The following PPP1R16A variants were observed in gnomAD, a reference collection of about 807,000 sequenced individuals.
The protein encoded by PPP1R16A is myosin phosphatase-targeting subunit 3.
Under a neutral mutation model 46.6 loss-of-function variants are expected in PPP1R16A, and 39 were observed. The observed-to-expected ratio is 0.84, with a 90% CI of 0.65 to 1.09. The LOEUF (loss-of-function observed/expected upper bound fraction) is 1.09. PPP1R16A is among the 50% of genes least tolerant of loss of function. PPP1R16A has a pLI of 0.00. For missense variants in PPP1R16A, 798 were observed against 735.6 expected, an observed-to-expected ratio of 1.08 and a Z score of -0.98; for synonymous variants, 413 against 321.5, an observed-to-expected ratio of 1.28 and a Z score of -3.04.
intron 5 of PPP1R16A, chr8:144,499,369 A>G: frequency 2.5e-6 from 1 of 396,562 alleles, no homozygotes; most frequent in Non-Finnish European, 4.5e-6. Context: ...ACTGCTAAGG[A>G]GGGAAGCAGA....
Position 144,502,003 on chromosome 8 carries a change from G to A in PPP1R16A, c.*100G>A, listed in dbSNP as rs1342636242. On this transcript the variant is annotated 3_prime_UTR_variant, in exon 12 of 12. Transcript: ENST00000435887. ...GCTGCGGGTGCAGCACGGAAACCCC[G>A]GCTTCTACTGTACAGGACACTGGCC... 8.9e-6 allele frequency: 11 copies of A among 1,238,012 alleles called. No individual in the cohort carries two copies. Among genetic ancestry groups the A allele is most frequent in the South Asian group, 6.3e-5 (4 of 63,660 alleles). 76.7% of individuals were successfully genotyped at this position (1,238,012 alleles called of 1,614,324 possible).
chr8:144,500,383 G>T lies in PPP1R16A; in HGVS notation c.697G>T (p.Ala233Ser). The change falls in exon 7 of 12, where the codon GCC becomes TCC. Residue 233 changes from alanine to serine, a missense_variant. Transcript: ENST00000435887. ...CCTCCATGCCCCCCTGGACCACGGG[G>T]CCACGCTGGTGAGGGCTGGGGGGTG... ...ADLHAPLDHGATLLHVAAANG... is the reference protein window; with the variant it reads ...ADLHAPLDHGSTLLHVAAANG... The T allele has an allele frequency of 6.5e-7, 1 of 1,528,834 alleles. No individual in the cohort carries two copies. The highest frequency in any genetic ancestry group is 8.7e-7 in the Non-Finnish European group (1 of 1,143,208). 94.7% of individuals were successfully genotyped at this position (1,528,834 alleles called of 1,614,324 possible). A position where few individuals can be genotyped will look rare whatever the true frequency, so the allele number is the denominator to read the frequency against.
At position 144,500,621 on chromosome 8, in the gene PPP1R16A, G is replaced by T; in HGVS notation, c.831+9G>T. ...CGGCCTACTGGGGCCAGGTGAGTGC[G>T]GGCGGGAGCAGGTGGGAGGGGGCTT... On this transcript the variant is annotated intron_variant, in intron 8 of 11. Transcript: ENST00000435887. 1 of 1,602,264 alleles carries T rather than the reference G, an allele frequency of 6.2e-7. No individual in the cohort carries two copies. Among genetic ancestry groups the T allele is most frequent in the Admixed American group, 1.7e-5 (1 of 59,886 alleles).
chr8:144,496,836 T>C lies in PPP1R16A; in HGVS notation c.-359T>C. On this transcript the variant is annotated 5_prime_UTR_variant, in exon 3 of 12. Transcript: ENST00000435887. The stretch of plus-strand genomic sequence containing the variant: ...AGCTGGAACCTTGTTATCTGGGTAA[T>C]TAGTTTCAGACCCTGCACTGAGGCC... 1 of 323,038 alleles carries C rather than the reference T, an allele frequency of 3.1e-6. No homozygotes were observed. The highest frequency in any genetic ancestry group is 2.1e-5 in the African/African-American group (1 of 47,752). The allele number at this position is 323,038 out of a possible 1,614,324, so 20.0% of individuals were successfully genotyped here.
Position 144,483,569 on chromosome 8 carries a change from C to T in PPP1R16A, c.-914+5442C>T, listed in dbSNP as rs1226437324. On this transcript the variant is annotated intron_variant, in intron 1 of 11. Transcript: ENST00000435887. Reference sequence around the variant, plus strand: ...AGACTACAGGTGCATGCCGCCACGACCGGCTTTTGTATTTTTAGTAGAAAT... The same window carrying T: ...AGACTACAGGTGCATGCCGCCACGATCGGCTTTTGTATTTTTAGTAGAAAT... Among the ~76,000 whole-genome samples, 5 of 152,234 alleles carry T rather than the reference C, an allele frequency of 3.3e-5. No individual in the cohort carries two copies. The East Asian group carries it at 9.7e-4, about 29-fold the overall frequency.
At chr8:144,499,716 T>A in intron 5 of PPP1R16A, 1 of 236,660 alleles carries the variant, frequency 4.2e-6, no homozygotes, top group Non-Finnish European at 8.3e-6. Flanking sequence ...TCACCGCCCT[T>A]CTTCCCTGGG....
rs1825927430 is a variant in PPP1R16A, at chr8:144,493,981, G to T, written c.-734-2480G>T. ...CACTGTCCAGCTGCTGTTCTCTGAT[G>T]AATTTTCACGGATGTGCCTCGGAAT... is the stretch of plus-strand genomic sequence containing the variant. On this transcript the variant is annotated intron_variant, in intron 2 of 11. Transcript: ENST00000435887. This position sits in a 1 kb window ranked among gnomAD's most constrained non-coding sequence, Gnocchi z 4.3. Among the ~76,000 whole-genome samples, 1 of 152,150 alleles carries T rather than the reference G, an allele frequency of 6.6e-6. No homozygotes were observed. Among genetic ancestry groups the T allele is most frequent in the South Asian group, 2.1e-4 (1 of 4,830 alleles).
At chr8:144,487,483 C>T (rs945179912) in intron 1 of PPP1R16A, among the ~76,000 whole-genome samples, 1 of 152,212 alleles carries the variant, frequency 6.6e-6, no homozygotes, top group Non-Finnish European at 1.5e-5. Context: ...GATCTTCCCA[C>T]CTCAGCCTCC....
rs890117662 is a variant in PPP1R16A at position 144,500,901 on chromosome 8, G to A, written c.967G>A (p.Ala323Thr). ...GCTGGAGCTGAAGCACAAGCACGACGCCCTCCTGCGCGCCCAGAGCCGCCA... is the reference window on the plus strand; with the variant it reads ...GCTGGAGCTGAAGCACAAGCACGACACCCTCCTGCGCGCCCAGAGCCGCCA... ...KLLELKHKHD[A>T]LLRAQSRQRS... The change falls in exon 10 of 12, where the codon GCC becomes ACC. Residue 323 changes from alanine to threonine, a missense_variant. Physicochemically the swap from Ala to Thr is moderately conservative, Grantham distance 58 (BLOSUM62 0). Transcript: ENST00000435887. 9.1e-6 allele frequency: 14 copies of A among 1,538,818 alleles called. No individual in the cohort carries two copies. Among genetic ancestry groups the A allele is most frequent in the Admixed American group, 7.9e-5 (4 of 50,702 alleles).
intron 11 of PPP1R16A, 99 bp from the exon 12 acceptor site, chr8:144,501,421 A>ATC: frequency 6.8e-7 from 1 of 1,479,422 alleles, no homozygotes; most frequent in Non-Finnish European, 9.0e-7. Flanking sequence ...CTTTTGCCCC[A>ATC]TCTCTCCTGT....
At chr8:144,500,038 G>A (rs943351225) in intron 5 of PPP1R16A, 58 bp from the exon 6 acceptor site, 5 of 1,536,470 alleles carry the variant, frequency 3.3e-6, no homozygotes, top group African/African-American at 1.4e-5. Context: ...CTCCAAGTGA[G>A]GAGCCTGGCA....
At chr8:144,484,593 GAGTT>G (rs1159062493) in intron 1 of PPP1R16A, among the ~76,000 whole-genome samples, 7 of 152,232 alleles carry the variant, frequency 4.6e-5, no homozygotes, top group African/African-American at 1.7e-4. Flanking sequence ...ACCTTGCTGT[GAGTT>G]AGTTTATTCG....
chr8:144,478,277 G>A (rs1225330180), intron 1 of PPP1R16A, 150 bp downstream of exon 1: 2 of 385,460 alleles, frequency 5.2e-6, no homozygotes, highest in East Asian at 3.7e-5. Flanking sequence ...GCAGAGGAGA[G>A]GGAGGAGGCC....
intron 1 of PPP1R16A, among the ~76,000 whole-genome samples, chr8:144,483,602 T>C (rs1825526849): frequency 6.6e-6 from 1 of 152,150 alleles, no homozygotes; most frequent in Non-Finnish European, 1.5e-5. Context: ...AATGGGGTTT[T>C]ACCCTGTTGG....
chr8:144,491,645 T>C (rs541477414), intron 2 of PPP1R16A, among the ~76,000 whole-genome samples: 16 of 151,710 alleles, frequency 1.1e-4, no homozygotes, highest in South Asian at 8.4e-4. Context: ...CGCCTGTAGT[T>C]CCAGCTACTC....
Position 144,501,451 on chromosome 8 carries a change from C to T in PPP1R16A, c.1204-69C>T, listed in dbSNP as rs1826466064. 5 of 1,481,716 alleles carry T rather than the reference C, an allele frequency of 3.4e-6. No individual in the cohort carries two copies. The East Asian group carries it at 7.4e-5, about 22-fold the overall frequency. 91.8% of individuals were successfully genotyped at this position (1,481,716 alleles called of 1,614,324 possible). On this transcript the variant is annotated intron_variant, in intron 11 of 11. Coordinates refer to ENST00000435887, the MANE Select transcript of PPP1R16A (RefSeq NM_001329443.2). The stretch of plus-strand genomic sequence containing the variant: ...TCCTGTCTGTCCCTTCATGACCATA[C>T]AGCCTGAACCCAAGGCCAGGGAGGG...
intron 3 of PPP1R16A, chr8:144,497,682 G>T (rs974386028): frequency 1.0e-5 from 7 of 674,326 alleles, no homozygotes; most frequent in Admixed American, 8.7e-5. Flanking sequence ...CGTCCTTCAG[G>T]CGGGGGCTGC....
intron 1 of PPP1R16A, among the ~76,000 whole-genome samples, chr8:144,480,717 C>CATA (rs927882306): frequency 6.6e-6 from 1 of 152,260 alleles, no homozygotes. Context: ...AACTCCTGAC[C>CATA]TCATTATCCT....
chr8:144,498,001 G>C (rs1303828526), intron 3 of PPP1R16A: 1 of 455,694 alleles, frequency 2.2e-6, no homozygotes, highest in Admixed American at 2.3e-5. Flanking sequence ...TGCAGCCCCA[G>C]CTGTGTGGGT....
Sources: allele counts gnomAD v4.1 joint callset (sites outside exome capture counted in the v4.1 genomes callset), GRCh38; gene constraint gnomAD v4.1.1; non-coding constraint Gnocchi (gnomAD v3.1); transcripts MANE v1.5; gene names NCBI Gene and HGNC (gene_info 2026-07-23, HGNC 2026-07-21).